Variants in TENM1 observed in about 807,000 individuals in gnomAD.
The protein encoded by TENM1 is teneurin-1.
A neutral mutation model predicts 174.8 loss-of-function variants in TENM1; 35 were observed. The ratio of observed to expected loss-of-function variants is 0.20; its 90% CI spans 0.15 to 0.27. The LOEUF is 0.27. Among genes scored for constraint, TENM1 ranks in the 10% least tolerant of loss-of-function variants. TENM1 has a pLI of 1.00. For missense variants in TENM1, 1,633 were observed against 2,130.1 expected, an observed-to-expected ratio of 0.77 and a Z score of 4.59; for synonymous variants, 781 against 798.7, an observed-to-expected ratio of 0.98 and a Z score of 0.37.
At chrX:124,729,121 C>T (rs779186040) in intron 4 of TENM1, among the ~76,000 whole-genome samples, 5 of 112,141 alleles carry the variant, frequency 4.5e-5, no homozygotes, top group East Asian at 5.6e-4. Flanking sequence ...CTGAATGCCT[C>T]GCTGTGCAGG....
At chrX:124,874,797 T>C (rs1188049228) in intron 3 of TENM1, among the ~76,000 whole-genome samples, 1 of 111,300 alleles carries the variant, frequency 9.0e-6, no homozygotes, top group Non-Finnish European at 1.9e-5. Context: ...AAACAATTTA[T>C]GCCTTCCAGA....
chrX:124,535,863 A>G (rs1362597393), intron 15 of TENM1, among the ~76,000 whole-genome samples: 1 of 112,184 alleles, frequency 8.9e-6, no homozygotes, highest in African/African-American at 3.2e-5. Flanking sequence ...CAAGGGCTTC[A>G]GTGACTACGT....
chrX:124,496,981 G>T lies in TENM1; in HGVS notation c.3695+35C>A, dbSNP rs1445513044. 4 of 1,183,984 alleles carry T rather than the reference G, an allele frequency of 3.4e-6. No homozygotes were observed. In the Admixed American group the frequency reaches 9.1e-5, roughly 27 times the overall value. ...TATTATCTTGCTTTTTGCTTTATCTGCTAAGCAAATATATAGAGATTAGAG... is the reference window on the plus strand; with the variant it reads ...TATTATCTTGCTTTTTGCTTTATCTTCTAAGCAAATATATAGAGATTAGAG... On this transcript the variant is annotated intron_variant, in intron 20 of 31. Transcript: ENST00000422452.
intron 4 of TENM1, 118 bp downstream of exon 7, chrX:124,736,839 A>G (rs1161735650): frequency 2.2e-5 from 21 of 967,857 alleles, no homozygotes; most frequent in Non-Finnish European, 2.9e-5. Context: ...CTGGGTGTGT[A>G]TCGGTTTGTG....
At chrX:124,597,637 A>G (rs1431896024) in intron 11 of TENM1, among the ~76,000 whole-genome samples, 5 of 110,621 alleles carry the variant, frequency 4.5e-5, no homozygotes, top group Non-Finnish European at 9.5e-5. Flanking sequence ...ACCGCTAAAG[A>G]ACTTATCCAT....
At chrX:124,377,245 A>G (rs1399211789) in exon 32 of TENM1, 1 of 111,535 alleles carries the variant, frequency 9.0e-6, no homozygotes, top group Non-Finnish European at 1.9e-5. Flanking sequence ...CTGTCTACAT[A>G]GGTAGCATGT....
intron 3 of TENM1, among the ~76,000 whole-genome samples, chrX:124,808,241 A>C (rs1305923500): frequency 8.9e-6 from 1 of 112,212 alleles, no homozygotes; most frequent in East Asian, 2.8e-4. Context: ...AAAGAAGATC[A>C]TTATATAAAG....
chrX:124,707,571 C>A (rs1032304782), intron 4 of TENM1, among the ~76,000 whole-genome samples: 2 of 111,191 alleles, frequency 1.8e-5, no homozygotes, highest in Admixed American at 9.5e-5. Context: ...TTCATTATAT[C>A]CTCATTAACA....
chrX:124,580,417 C>A (rs868421900), intron 11 of TENM1, among the ~76,000 whole-genome samples: 1 of 102,806 alleles, frequency 9.7e-6, no homozygotes. Context: ...TGTATATATA[C>A]ACATATACAT....
intron 11 of TENM1, among the ~76,000 whole-genome samples, chrX:124,640,961 CA>C (rs59598996): frequency 1.1e-3 from 64 of 57,709 alleles, no homozygotes; most frequent in Middle Eastern, 0.013. Context: ...AATCCATCTC[CA>C]AAAAAAAAAA....
the TENM1 span, among the ~76,000 whole-genome samples, chrX:125,129,755 T>C: frequency 6.6e-4 from 74 of 111,459 alleles, no homozygotes; most frequent in Non-Finnish European, 1.3e-3. Flanking sequence ...GTTCCATCCA[T>C]GTTCCTGCAA....
intron 23 of TENM1, among the ~76,000 whole-genome samples, chrX:124,422,995 G>T (rs1349972619): frequency 1.8e-5 from 2 of 112,027 alleles, no homozygotes; most frequent in Non-Finnish European, 3.8e-5. Flanking sequence ...TATTGAATCA[G>T]AAACCCTGGA....
At chrX:124,575,651 T>C (rs1376886356) in intron 11 of TENM1, among the ~76,000 whole-genome samples, 2 of 112,412 alleles carry the variant, frequency 1.8e-5, no homozygotes, top group Non-Finnish European at 3.8e-5. Context: ...TTAACTGTTC[T>C]TTGGTAGGTC....
rs182020473 is a variant in TENM1, at chrX:124,476,355, C to A, written c.3949+5377G>T. The stretch of plus-strand genomic sequence containing the variant: ...GTTTGTGTCTAGACTTTGTTATTCC[C>A]AGATTTCTTAATTTCCAATAAAGTT... On this transcript the variant is annotated intron_variant, in intron 22 of 31. Transcript: ENST00000422452. Among the ~76,000 whole-genome samples, 16 of 112,203 alleles carry A rather than the reference C, an allele frequency of 1.4e-4. No individual in the cohort carries two copies. The East Asian group carries it at 3.9e-3, about 28-fold the overall frequency.
the TENM1 span, among the ~76,000 whole-genome samples, chrX:125,197,298 AT>A: frequency 8.9e-6 from 1 of 112,097 alleles, no homozygotes; most frequent in Non-Finnish European, 1.9e-5. Context: ...ATATATATGT[AT>A]AATATGCATC....
chrX:125,120,487 C>T, the TENM1 span, among the ~76,000 whole-genome samples: 1 of 109,940 alleles, frequency 9.1e-6, no homozygotes, highest in East Asian at 2.9e-4. Flanking sequence ...CCCACACGGC[C>T]CCAGTAAGTG....
chrX:124,706,545 T>C (rs1319393077), intron 4 of TENM1, among the ~76,000 whole-genome samples: 1 of 111,915 alleles, frequency 8.9e-6, no homozygotes, highest in Admixed American at 9.5e-5. Context: ...TAGAACTTCA[T>C]GCAAATGGAG....
the TENM1 span, among the ~76,000 whole-genome samples, chrX:125,185,228 G>A: frequency 1.8e-5 from 2 of 112,074 alleles, no homozygotes; most frequent in Non-Finnish European, 3.8e-5. Context: ...TTTCTAAATG[G>A]AATTATCTGT....
chrX:124,893,571 C>T (rs777925779), intron 3 of TENM1, among the ~76,000 whole-genome samples: 18 of 111,884 alleles, frequency 1.6e-4, no homozygotes, highest in Non-Finnish European at 2.1e-4. Context: ...AGTCACTGCC[C>T]TGTGGTGGGA....
Sources: allele counts gnomAD v4.1 joint callset (sites outside exome capture counted in the v4.1 genomes callset), GRCh38; gene constraint gnomAD v4.1.1; transcripts MANE v1.5; gene names NCBI Gene and HGNC (gene_info 2026-07-23, HGNC 2026-07-21).